C2orf76: variants seen among roughly 807,000 people sequenced by gnomAD.
The protein encoded by C2orf76 is UPF0538 protein C2orf76.
C2orf76 carries 23 observed loss-of-function variants against 16.9 expected under a neutral mutation model. The ratio of observed to expected loss-of-function variants is 1.36; its 90% CI spans 0.98 to 1.93. C2orf76 has a LOEUF of 1.93. Among genes scored for constraint, C2orf76 ranks in the 30% most tolerant of loss-of-function variants. The pLI is 0.00. For missense variants in C2orf76, 152 were observed against 152.6 expected (o/e 1.00, Z 0.02); for synonymous variants, 48 against 52.3 (o/e 0.92, Z 0.35).
intron 1 of C2orf76, among the ~76,000 whole-genome samples, chr2:119,364,513 T>C (rs896777193): frequency 6.6e-6 from 1 of 152,114 alleles, no homozygotes; most frequent in Non-Finnish European, 1.5e-5. Flanking sequence ...TAAATCTTCA[T>C]AGAGAGAAAA....
intron 2 of C2orf76, among the ~76,000 whole-genome samples, chr2:119,322,942 G>C (rs1171547120): frequency 1.3e-5 from 2 of 152,094 alleles, no homozygotes; most frequent in East Asian, 3.8e-4. Flanking sequence ...TCCACATTTT[G>C]ATCTTAAAAC....
chr2:119,333,366 A>G (rs1167424511), intron 2 of C2orf76, among the ~76,000 whole-genome samples: 1 of 152,232 alleles, frequency 6.6e-6, no homozygotes, highest in Admixed American at 6.5e-5. Flanking sequence ...AAGAAACAAG[A>G]TATGTAAATG....
At chr2:119,330,370 T>A (rs906741815) in intron 2 of C2orf76, among the ~76,000 whole-genome samples, 2 of 136,348 alleles carry the variant, frequency 1.5e-5, no homozygotes, top group Non-Finnish European at 3.2e-5. Flanking sequence ...AAAAAAAAAA[T>A]GTTAATCCAG....
Position 119,302,426 on chromosome 2 carries a change from A to G in C2orf76, c.*46T>C. Reference sequence around the variant, plus strand: ...AATTTCAAAAATTCAGCAGTGGAATAAAGAGCTTAATACAGGTATGCAAAA... The same window carrying G: ...AATTTCAAAAATTCAGCAGTGGAATGAAGAGCTTAATACAGGTATGCAAAA... On this transcript the variant is annotated 3_prime_UTR_variant, in exon 6 of 6. Transcript: ENST00000334816. The G allele has an allele frequency of 1.3e-6, 1 of 742,880 alleles. No homozygotes were observed. Among genetic ancestry groups the G allele is most frequent in the Non-Finnish European group, 2.2e-6 (1 of 453,018 alleles). The allele number at this position is 742,880 out of a possible 1,614,324, so 46.0% of individuals were successfully genotyped here. A position where few individuals can be genotyped will look rare whatever the true frequency, so the allele number is the denominator to read the frequency against.
intron 4 of C2orf76, among the ~76,000 whole-genome samples, chr2:119,315,515 G>A (rs1019969223): frequency 9.9e-5 from 15 of 152,182 alleles, no homozygotes; most frequent in African/African-American, 3.6e-4. Flanking sequence ...ACTTGGAAAT[G>A]AGAAAAATGA....
chr2:119,336,405 A>G (rs1008468897), intron 2 of C2orf76, among the ~76,000 whole-genome samples: 1 of 151,948 alleles, frequency 6.6e-6, no homozygotes, highest in African/African-American at 2.4e-5. Flanking sequence ...AAATAAATAA[A>G]TTTATCATAC....
intron 2 of C2orf76, among the ~76,000 whole-genome samples, chr2:119,334,546 C>T (rs2104592116): frequency 6.6e-6 from 1 of 151,658 alleles, no homozygotes; most frequent in South Asian, 2.1e-4. Context: ...AAAAATTAGC[C>T]AGGCATGGTG....
At chr2:119,299,724 A>C (rs1678588493), downstream of C2orf76, among the ~76,000 whole-genome samples, 1 of 152,230 alleles carries the variant, frequency 6.6e-6, no homozygotes, top group South Asian at 2.1e-4. Context: ...ATACATACCA[A>C]AAAAGGTACT....
the C2orf76 span, among the ~76,000 whole-genome samples, chr2:119,286,652 T>C: frequency 6.6e-6 from 1 of 152,056 alleles, no homozygotes; most frequent in Non-Finnish European, 1.5e-5. Flanking sequence ...CCGATGGTTC[T>C]GAACAGGGAG....
chr2:119,290,767 T>G, the C2orf76 span, among the ~76,000 whole-genome samples: 2 of 152,086 alleles, frequency 1.3e-5, no homozygotes, highest in South Asian at 4.2e-4. Context: ...GAGGCGGAGG[T>G]TGCGGTGAGC....
intron 4 of C2orf76, among the ~76,000 whole-genome samples, chr2:119,314,067 G>A (rs1269203624): frequency 7.2e-6 from 1 of 138,696 alleles, no homozygotes; most frequent in Non-Finnish European, 1.5e-5. Context: ...AATTTTCGTG[G>A]AATAAATAAG....
At chr2:119,283,114 T>C in the C2orf76 span, among the ~76,000 whole-genome samples, 1 of 152,290 alleles carries the variant, frequency 6.6e-6, no homozygotes, top group Admixed American at 6.5e-5. Flanking sequence ...TCTTCCTTGG[T>C]GGGAAGGAAG....
At chr2:119,287,056 C>T in the C2orf76 span, among the ~76,000 whole-genome samples, 1 of 152,124 alleles carries the variant, frequency 6.6e-6, no homozygotes. Flanking sequence ...GCTGGGAAAC[C>T]TCGGGCAGGT....
the C2orf76 span, among the ~76,000 whole-genome samples, chr2:119,285,367 C>T: frequency 6.6e-6 from 1 of 152,128 alleles, no homozygotes; most frequent in East Asian, 1.9e-4. Context: ...ATCAGGGTCA[C>T]GTAACTTGGA....
intron 2 of C2orf76, among the ~76,000 whole-genome samples, chr2:119,334,020 G>A (rs953702033): frequency 5.9e-5 from 9 of 151,750 alleles, no homozygotes; most frequent in African/African-American, 9.7e-5. Context: ...CTCAAACTCC[G>A]AGGCTCAAGT....
chr2:119,302,439 C>A lies in C2orf76; in HGVS notation c.*33G>T. On this transcript the variant is annotated 3_prime_UTR_variant, in exon 6 of 6. Coordinates refer to ENST00000334816, the MANE Select transcript of C2orf76 (RefSeq NM_001322331.2). ...CAGCAGTGGAATAAAGAGCTTAATA[C>A]AGGTATGCAAAAAGGAAGCCCTCGA... 1 of 867,246 alleles carries A rather than the reference C, an allele frequency of 1.2e-6. No homozygotes were observed. The highest frequency in any genetic ancestry group is 2.3e-5 in the Admixed American group (1 of 42,842). The allele number at this position is 867,246 out of a possible 1,614,324, so 53.7% of individuals were successfully genotyped here. A position where few individuals can be genotyped will look rare whatever the true frequency, so the allele number is the denominator to read the frequency against.
chr2:119,324,387 A>C (rs1272821218), intron 2 of C2orf76, among the ~76,000 whole-genome samples: 1 of 152,164 alleles, frequency 6.6e-6, no homozygotes, highest in Non-Finnish European at 1.5e-5. Flanking sequence ...TTTTACAATT[A>C]TAGTTTTGTC....
At chr2:119,311,543 T>A in intron 5 of C2orf76, 79 bp downstream of exon 5, 2 of 1,542,468 alleles carry the variant, frequency 1.3e-6, no homozygotes, top group African/African-American at 1.4e-5. Context: ...TTCCAGTGAG[T>A]TATCCAAATA....
At chr2:119,345,004 T>C (rs897357844) in intron 1 of C2orf76, among the ~76,000 whole-genome samples, 1 of 152,172 alleles carries the variant, frequency 6.6e-6, no homozygotes, top group Non-Finnish European at 1.5e-5. Flanking sequence ...TCACTCCTTA[T>C]ACAAAATAAC....
Sources: allele counts gnomAD v4.1 joint callset (sites outside exome capture counted in the v4.1 genomes callset), GRCh38; gene constraint gnomAD v4.1.1; transcripts MANE v1.5; gene names NCBI Gene and HGNC (gene_info 2026-07-23, HGNC 2026-07-21).